CCDC77: variants seen among roughly 807,000 people sequenced by gnomAD.
CCDC77 encodes the protein coiled-coil domain containing 77.
CCDC77 carries 56 observed loss-of-function variants against 66.8 expected under a neutral mutation model. The ratio of observed to expected loss-of-function variants is 0.84; its 90% confidence interval spans 0.68 to 1.05. CCDC77 has a LOEUF of 1.05. Among genes scored for constraint, CCDC77 ranks in the 50% least tolerant of loss-of-function variants. The probability of loss-of-function intolerance (pLI) is 0.00; values close to 1 mark genes in which losing one functional copy is unlikely to be tolerated. For synonymous variants in CCDC77, 196 were observed against 195.2 expected, an observed-to-expected ratio of 1.00 and a Z score of -0.03; for missense variants, 570 against 576.8, an observed-to-expected ratio of 0.99 and a Z score of 0.12.
chr12:423,503 T>TTG (rs1945472380), intron 5 of CCDC77, among the ~76,000 whole-genome samples: 2 of 109,622 alleles, frequency 1.8e-5, no homozygotes, highest in Non-Finnish European at 3.5e-5. Flanking sequence ...TGTTTTTTTT[T>TTG]TTTTTTTTTT....
At chr12:397,002 G>A (rs1944836830), upstream of CCDC77, among the ~76,000 whole-genome samples, 1 of 152,156 alleles carries the variant, frequency 6.6e-6, no homozygotes, top group African/African-American at 2.4e-5. Flanking sequence ...CACTTCCTGA[G>A]TTCAAGCAAT....
intron 4 of CCDC77, among the ~76,000 whole-genome samples, chr12:414,566 T>C (rs140032237): frequency 6.6e-6 from 1 of 152,304 alleles, no homozygotes; most frequent in East Asian, 1.9e-4. Flanking sequence ...ATGATGACTG[T>C]TAAATAACTA....
chr12:412,188 T>C (rs1945125465), intron 4 of CCDC77, among the ~76,000 whole-genome samples: 2 of 152,218 alleles, frequency 1.3e-5, no homozygotes, highest in Non-Finnish European at 2.9e-5. Flanking sequence ...GACATCTCCA[T>C]ATCTCTTATA....
chr12:419,519 G>T (rs1312585591), intron 5 of CCDC77, among the ~76,000 whole-genome samples: 1 of 100,384 alleles, frequency 1.0e-5, no homozygotes, highest in Non-Finnish European at 2.0e-5. Context: ...TGTGTGTGCT[G>T]GGAGTGAGAG....
intron 1 of CCDC77, among the ~76,000 whole-genome samples, chr12:392,560 A>G (rs1565558935): frequency 6.6e-6 from 1 of 152,138 alleles, no homozygotes; most frequent in Non-Finnish European, 1.5e-5. Context: ...CCTGGCCAAC[A>G]TGGAGAAACC....
At chr12:402,581 A>G (rs1313623599) in intron 1 of CCDC77, among the ~76,000 whole-genome samples, 1 of 152,228 alleles carries the variant, frequency 6.6e-6, no homozygotes, top group South Asian at 2.1e-4. Flanking sequence ...GTAGAGAGAA[A>G]TAAGGCAGGA....
intron 2 of CCDC77, among the ~76,000 whole-genome samples, chr12:406,144 A>G (rs1944985451): frequency 6.6e-6 from 1 of 152,148 alleles, no homozygotes; most frequent in Admixed American, 6.6e-5. Context: ...TCCTGGACTC[A>G]AGCAGTCTAT....
At position 438,571 on chromosome 12, in the gene CCDC77, G is replaced by T. The variant is rs113477999; in HGVS notation, c.1041+17G>T. On this transcript the variant is annotated intron_variant, in intron 10 of 12. Coordinates refer to ENST00000239830, the MANE Select transcript of CCDC77 (RefSeq NM_032358.4). ...TATATTAAGGTAATGTCCTTATGTC[G>T]TAACGAAGTTGTTTATTTTTCTGGG... is the stretch of plus-strand genomic sequence containing the variant. The T allele has an allele frequency of 1.7e-5, 26 of 1,558,584 alleles. No homozygotes were observed. Among genetic ancestry groups the T allele is most frequent in the Middle Eastern group, 2.0e-4 (1 of 5,036 alleles).
intron 4 of CCDC77, among the ~76,000 whole-genome samples, chr12:416,395 A>ATGTATG (rs1471452133): frequency 1.9e-5 from 1 of 53,726 alleles, no homozygotes; most frequent in East Asian, 6.7e-4. Context: ...ATATATATAT[A>ATGTATG]TATATATATA....
At chr12:415,435 T>C (rs200793103) in intron 4 of CCDC77, among the ~76,000 whole-genome samples, 1 of 121,650 alleles carries the variant, frequency 8.2e-6, no homozygotes, top group Non-Finnish European at 1.6e-5. Context: ...ATAATTAACA[T>C]AATAATATGT....
At chr12:425,071 C>T (rs1651891399) in intron 5 of CCDC77, among the ~76,000 whole-genome samples, 1 of 151,994 alleles carries the variant, frequency 6.6e-6, no homozygotes, top group Non-Finnish European at 1.5e-5. Flanking sequence ...GCTGGGACTA[C>T]AGGCACGAGC....
At chr12:393,947 A>G (rs1311562636) in intron 1 of CCDC77, among the ~76,000 whole-genome samples, 1 of 152,218 alleles carries the variant, frequency 6.6e-6, no homozygotes, top group Non-Finnish European at 1.5e-5. Flanking sequence ...GTTGACATGT[A>G]TTATTATATA....
chr12:429,524 A>G (rs7298406), intron 6 of CCDC77, among the ~76,000 whole-genome samples: 15 of 151,552 alleles, frequency 9.9e-5, no homozygotes, highest in African/African-American at 3.6e-4. Context: ...GCAATGCGCA[A>G]TCTCGGCTCA....
chr12:416,886 T>A (rs1186419972), intron 4 of CCDC77, among the ~76,000 whole-genome samples: 1 of 78,018 alleles, frequency 1.3e-5, no homozygotes, highest in African/African-American at 4.4e-5. Context: ...GGCCGGCGGA[T>A]CACCTGGGGT....
intron 4 of CCDC77, among the ~76,000 whole-genome samples, chr12:416,400 T>C (rs1278819091): frequency 1.6e-5 from 1 of 61,458 alleles, no homozygotes; most frequent in East Asian, 6.2e-4. Flanking sequence ...TATATATATA[T>C]ATATATATAT....
chr12:407,528 T>A (rs1945018574), intron 2 of CCDC77, among the ~76,000 whole-genome samples: 1 of 152,034 alleles, frequency 6.6e-6, no homozygotes, highest in Non-Finnish European at 1.5e-5. Flanking sequence ...GAGGCATCAA[T>A]TTGAAAACTA....
chr12:389,365 CACG>C (rs1006474778), exon 1 of CCDC77: 85 of 604,352 alleles, frequency 1.4e-4, no homozygotes, highest in African/African-American at 1.4e-3. Context: ...TCCGCAGCTG[CACG>C]ACGCCTGTGT....
chr12:423,307 TA>T lies in CCDC77; in HGVS notation c.413+4672del, dbSNP rs1211349428. ...CCCAGCTAATTTTTATATATATATATATTTTTTTTTTTTGTGGAGACAAGGT... is the reference window on the plus strand; with the variant it reads ...CCCAGCTAATTTTTATATATATATATTTTTTTTTTTTTGTGGAGACAAGGT... On this transcript the variant is annotated intron_variant, in intron 5 of 12. Coordinates refer to ENST00000239830, the MANE Select transcript of CCDC77 (RefSeq NM_032358.4). 2.9e-4 allele frequency among the ~76,000 whole-genome samples: 36 copies of T among 122,670 alleles called. 1 individual carries two copies. Among genetic ancestry groups the T allele is most frequent in the Non-Finnish European group, 1.5e-4 (9 of 60,466 alleles). The allele number at this position is 122,670 out of a possible 152,430, so 80.5% of individuals were successfully genotyped here. A position where few individuals can be genotyped will look rare whatever the true frequency, so the allele number is the denominator to read the frequency against.
At chr12:417,889 G>A (rs1945317700) in intron 4 of CCDC77, among the ~76,000 whole-genome samples, 2 of 151,230 alleles carry the variant, frequency 1.3e-5, no homozygotes, top group Middle Eastern at 3.2e-3. Context: ...GCGACAGAGT[G>A]AGACTCTGTC....
Sources: allele counts gnomAD v4.1 joint callset (sites outside exome capture counted in the v4.1 genomes callset), GRCh38; gene constraint gnomAD v4.1.1; transcripts MANE v1.5; gene names NCBI Gene and HGNC (gene_info 2026-07-23, HGNC 2026-07-21).